The following C12orf42 variants were observed in gnomAD, a reference collection of about 807,000 sequenced individuals.
C12orf42 encodes the protein chromosome 12 open reading frame 42.
Under a neutral mutation model 21.6 loss-of-function variants are expected in C12orf42, and 25 were observed. That is an observed-to-expected ratio of 1.16 (90% confidence interval 0.84 to 1.62). The LOEUF (loss-of-function observed/expected upper bound fraction) is 1.62, where lower values mean the gene tolerates loss of function less well. Among genes scored for constraint, C12orf42 ranks in the 40% most tolerant of loss-of-function variants. The pLI is 0.00. For synonymous variants in C12orf42, 174 were observed against 175.0 expected, an observed-to-expected ratio of 0.99 and a Z score of 0.05; for missense variants, 483 against 459.3, an observed-to-expected ratio of 1.05 and a Z score of -0.47.
the C12orf42 span, among the ~76,000 whole-genome samples, chr12:103,210,811 A>T: frequency 6.6e-6 from 1 of 151,950 alleles, no homozygotes; most frequent in Non-Finnish European, 1.5e-5. Flanking sequence ...CAATATAAGC[A>T]AATATACCTA....
At chr12:103,317,918 T>C (rs2039678468) in intron 4 of C12orf42, among the ~76,000 whole-genome samples, 1 of 152,194 alleles carries the variant, frequency 6.6e-6, no homozygotes, top group Non-Finnish European at 1.5e-5. Flanking sequence ...ACCCACCCAA[T>C]TTCATTATAT....
At chr12:103,351,961 C>T (rs979939638) in intron 4 of C12orf42, among the ~76,000 whole-genome samples, 12 of 151,790 alleles carry the variant, frequency 7.9e-5, no homozygotes, top group East Asian at 1.9e-4. Context: ...TCTCTTTCTC[C>T]CCCATCACTC....
chr12:103,422,225 T>C (rs1259859119), intron 2 of C12orf42, among the ~76,000 whole-genome samples: 1 of 152,120 alleles, frequency 6.6e-6, no homozygotes, highest in East Asian at 1.9e-4. Context: ...AAACCCAAAA[T>C]TGATTTAAAG....
the C12orf42 span, among the ~76,000 whole-genome samples, chr12:103,153,139 CCTAA>C: frequency 2.0e-5 from 3 of 152,080 alleles, no homozygotes; most frequent in Non-Finnish European, 2.9e-5. Context: ...ACAAATGTGT[CCTAA>C]CTCTTACTTT....
At chr12:103,373,983 C>G (rs2045481306) in intron 3 of C12orf42, among the ~76,000 whole-genome samples, 1 of 152,176 alleles carries the variant, frequency 6.6e-6, no homozygotes. Context: ...GGCTCTTAAT[C>G]TCTTACCACT....
At chr12:103,402,327 T>G (rs1180569449) in intron 2 of C12orf42, among the ~76,000 whole-genome samples, 3 of 152,238 alleles carry the variant, frequency 2.0e-5, no homozygotes, top group Admixed American at 6.5e-5. Flanking sequence ...GACATTTGAT[T>G]TGAAGCTTAC....
chr12:103,384,054 T>C (rs6539072), intron 3 of C12orf42, among the ~76,000 whole-genome samples: 99,371 of 152,070 alleles, frequency 0.65, 32,880 homozygotes, highest in Admixed American at 0.74. Context: ...TCCAGCGTTT[T>C]GAATGGTATT....
chr12:103,444,784 A>C (rs749004755), intron 2 of C12orf42, among the ~76,000 whole-genome samples: 1 of 151,996 alleles, frequency 6.6e-6, no homozygotes, highest in Admixed American at 6.6e-5. Flanking sequence ...GTTGACTGTC[A>C]TACCTTCTTT....
chr12:103,496,614 T>C (rs1271067641), upstream of C12orf42, among the ~76,000 whole-genome samples: 9 of 152,322 alleles, frequency 5.9e-5, no homozygotes, highest in South Asian at 6.2e-4. Flanking sequence ...AAGCTGTCCA[T>C]AGGCTGCACA....
chr12:103,495,771 G>A (rs1300253461), intron 1 of C12orf42, 131 bp downstream of exon 1: 1 of 152,174 alleles, frequency 6.6e-6, no homozygotes, highest in Non-Finnish European at 1.5e-5. Flanking sequence ...GCTTGCCTCC[G>A]CTCCTTGGCC....
intron 2 of C12orf42, among the ~76,000 whole-genome samples, chr12:103,408,350 T>G (rs190707237): frequency 6.7e-4 from 102 of 152,212 alleles, no homozygotes; most frequent in Admixed American, 1.3e-3. Context: ...CCTAAATAAT[T>G]AGAGAGATCT....
At chr12:103,279,288 T>C (rs1279227662) in intron 4 of C12orf42, among the ~76,000 whole-genome samples, 1 of 152,200 alleles carries the variant, frequency 6.6e-6, no homozygotes, top group African/African-American at 2.4e-5. Flanking sequence ...TGGATGTTTA[T>C]TACACTGATT....
chr12:103,323,990 T>G (rs1381322619), intron 4 of C12orf42, among the ~76,000 whole-genome samples: 1 of 152,180 alleles, frequency 6.6e-6, no homozygotes, highest in Non-Finnish European at 1.5e-5. Flanking sequence ...ATAATGAAAT[T>G]CATTTGGTGT....
chr12:103,080,223 C>T, the C12orf42 span, among the ~76,000 whole-genome samples: 134 of 152,182 alleles, frequency 8.8e-4, 1 homozygote, highest in African/African-American at 2.9e-3. Flanking sequence ...GTATAAATTA[C>T]GGTATGGCGA....
the C12orf42 span, among the ~76,000 whole-genome samples, chr12:103,146,551 T>C: frequency 2.5e-5 from 1 of 39,360 alleles, no homozygotes; most frequent in Non-Finnish European, 5.1e-5. Flanking sequence ...GAAAGAGAAA[T>C]AAAGAAAGAA....
chr12:103,424,079 C>G (rs1421170290), intron 2 of C12orf42, among the ~76,000 whole-genome samples: 1 of 151,898 alleles, frequency 6.6e-6, no homozygotes, highest in Admixed American at 6.5e-5. Flanking sequence ...GACATTGCAA[C>G]TTAACTTACT....
chr12:103,080,838 TATGAG>T, the C12orf42 span: 1 of 152,228 alleles, frequency 6.6e-6, no homozygotes, highest in African/African-American at 2.4e-5. Context: ...ATAAAAATCT[TATGAG>T]ATGAGTAATT....
chr12:103,386,984 T>C (rs7958576), intron 3 of C12orf42, among the ~76,000 whole-genome samples: 2 of 152,152 alleles, frequency 1.3e-5, no homozygotes, highest in African/African-American at 4.8e-5. Flanking sequence ...CAGCTCCACA[T>C]CCCATTCAAA....
At chr12:103,055,386 CTG>C in the C12orf42 span, among the ~76,000 whole-genome samples, 1 of 151,802 alleles carries the variant, frequency 6.6e-6, no homozygotes, top group Non-Finnish European at 1.5e-5. Flanking sequence ...CTTTTGATGT[CTG>C]AAGGGTCTGT....
Sources: gnomAD v4.1 joint callset for allele counts (sites outside exome capture counted in the v4.1 genomes callset) on GRCh38, gnomAD v4.1.1 for gene constraint, MANE v1.5 for transcripts, NCBI Gene and HGNC (gene_info 2026-07-23, HGNC 2026-07-21) for gene names.